The following NSMCE2 variants were observed in gnomAD, a reference collection of about 807,000 sequenced individuals.
NSMCE2 encodes the protein NSE2 SUMO ligase component of SMC5/6 complex, also known as E3 SUMO-protein ligase NSE2.
NSMCE2 carries 24 observed loss-of-function variants against 23.8 expected under a neutral mutation model. The observed-to-expected ratio is 1.01, with a 90% CI of 0.73 to 1.42. The LOEUF (loss-of-function observed/expected upper bound fraction) is 1.42. Ranked by LOEUF, NSMCE2 falls within the 40% of genes most tolerant of loss-of-function variation. The probability of loss-of-function intolerance (pLI) is 0.00; values close to 1 mark genes in which losing one functional copy is unlikely to be tolerated. For synonymous variants in NSMCE2, 92 were observed against 94.1 expected, an observed-to-expected ratio of 0.98 and a Z score of 0.13; for missense variants, 284 against 296.5, an observed-to-expected ratio of 0.96 and a Z score of 0.31.
intron 5 of NSMCE2, among the ~76,000 whole-genome samples, chr8:125,221,187 A>G (rs1209183884): frequency 1.3e-5 from 2 of 152,204 alleles, no homozygotes; most frequent in African/African-American, 2.4e-5. Flanking sequence ...ACTAAAGGGG[A>G]TAGTCTAAAT....
chr8:125,351,123 G>A (rs1357655514), intron 5 of NSMCE2, among the ~76,000 whole-genome samples: 2 of 152,198 alleles, frequency 1.3e-5, no homozygotes, highest in Admixed American at 6.5e-5. Context: ...GAGCAACTCG[G>A]TGGATGCTGA....
At chr8:125,293,319 T>C (rs1360230107) in intron 5 of NSMCE2, among the ~76,000 whole-genome samples, 1 of 152,168 alleles carries the variant, frequency 6.6e-6, no homozygotes, top group African/African-American at 2.4e-5. Context: ...AAGAGGGTGG[T>C]TCTTATTGTT....
At chr8:125,105,053 G>A (rs981489103) in intron 3 of NSMCE2, among the ~76,000 whole-genome samples, 4 of 152,136 alleles carry the variant, frequency 2.6e-5, no homozygotes, top group Non-Finnish European at 5.9e-5. Context: ...CCTCCCTTGC[G>A]CAGGGAGGAG....
At chr8:125,364,044 A>G (rs2129673238) in intron 7 of NSMCE2, among the ~76,000 whole-genome samples, 1 of 152,190 alleles carries the variant, frequency 6.6e-6, no homozygotes, top group South Asian at 2.1e-4. Context: ...CCTGGATTCA[A>G]GTGATTTTCC....
chr8:125,234,105 A>G (rs570367077), intron 5 of NSMCE2, among the ~76,000 whole-genome samples: 210 of 151,980 alleles, frequency 1.4e-3, no homozygotes, highest in African/African-American at 4.8e-3. Context: ...AAGCAGGAGA[A>G]TGGCGTGAAC....
intron 5 of NSMCE2, among the ~76,000 whole-genome samples, chr8:125,220,304 G>A (rs550732782): frequency 1.4e-4 from 22 of 152,160 alleles, no homozygotes; most frequent in Non-Finnish European, 2.2e-4. Flanking sequence ...TTGCCTAACA[G>A]TATAATTTCA....
chr8:125,249,816 T>C (rs559363674), intron 5 of NSMCE2, among the ~76,000 whole-genome samples: 274 of 152,276 alleles, frequency 1.8e-3, no homozygotes, highest in African/African-American at 5.7e-3. Flanking sequence ...ATGATGGTGA[T>C]CATTATTATT....
chr8:125,109,960 G>T (rs564853652), intron 3 of NSMCE2, among the ~76,000 whole-genome samples: 1 of 152,042 alleles, frequency 6.6e-6, no homozygotes, highest in African/African-American at 2.4e-5. Context: ...TCAGGTTTTT[G>T]AGTTTATTAT....
intron 1 of NSMCE2, among the ~76,000 whole-genome samples, chr8:125,100,538 C>T (rs1196647289): frequency 1.3e-5 from 2 of 152,000 alleles, no homozygotes; most frequent in Non-Finnish European, 2.9e-5. Context: ...AGTGGTGAGC[C>T]CCTGGGAGTA....
intron 4 of NSMCE2, among the ~76,000 whole-genome samples, chr8:125,158,884 A>T (rs1339868037): frequency 6.6e-6 from 1 of 152,220 alleles, no homozygotes; most frequent in East Asian, 1.9e-4. Flanking sequence ...TTCAGTGTAA[A>T]ATGAATGCAT....
At chr8:125,127,591 C>T (rs977502546) in intron 3 of NSMCE2, among the ~76,000 whole-genome samples, 5 of 152,154 alleles carry the variant, frequency 3.3e-5, no homozygotes, top group African/African-American at 9.7e-5. Context: ...TCCCTCTCTT[C>T]TTCTGGAATG....
intron 5 of NSMCE2, among the ~76,000 whole-genome samples, chr8:125,226,008 C>T (rs778272384): frequency 1.2e-4 from 18 of 152,282 alleles, no homozygotes; most frequent in Non-Finnish European, 2.2e-4. Context: ...TTAGCACCTG[C>T]GTATATAACA....
intron 5 of NSMCE2, among the ~76,000 whole-genome samples, chr8:125,334,667 G>A (rs184852846): frequency 5.9e-5 from 9 of 151,938 alleles, no homozygotes; most frequent in Admixed American, 2.6e-4. Context: ...TAGTTTCAAG[G>A]ATGTCTTGAA....
intron 5 of NSMCE2, among the ~76,000 whole-genome samples, chr8:125,296,839 G>A (rs150935279): frequency 5.9e-4 from 90 of 152,238 alleles, no homozygotes; most frequent in South Asian, 2.3e-3. Context: ...GTGTACTTTC[G>A]TGGAATAAAA....
At chr8:125,095,882 C>CAAAAA (rs1174381155) in intron 1 of NSMCE2, among the ~76,000 whole-genome samples, 165 of 63,924 alleles carry the variant, frequency 2.6e-3, no homozygotes, top group Middle Eastern at 0.017. Flanking sequence ...AACTCCATCT[C>CAAAAA]AAAAAAAAAA....
chr8:125,278,690 TTTTC>T (rs1422507537), intron 5 of NSMCE2, among the ~76,000 whole-genome samples: 4 of 152,158 alleles, frequency 2.6e-5, no homozygotes, highest in South Asian at 2.1e-4. Context: ...GGGTCTTCTT[TTTTC>T]TTTCTTTTTG....
intron 5 of NSMCE2, among the ~76,000 whole-genome samples, chr8:125,199,857 C>T (rs973390548): frequency 6.6e-5 from 10 of 152,216 alleles, no homozygotes; most frequent in South Asian, 2.1e-4. Context: ...AATCTGGGTG[C>T]GCCTGTGTTG....
chr8:125,294,849 A>G (rs1284416209), intron 5 of NSMCE2, among the ~76,000 whole-genome samples: 2 of 152,236 alleles, frequency 1.3e-5, no homozygotes, highest in Non-Finnish European at 2.9e-5. Context: ...TTTACTGGAT[A>G]ATCCAGACAG....
chr8:125,117,074 G>A (rs1350294217), intron 3 of NSMCE2, among the ~76,000 whole-genome samples: 1 of 151,838 alleles, frequency 6.6e-6, no homozygotes, highest in Non-Finnish European at 1.5e-5. Flanking sequence ...CAATTTAGCA[G>A]AGCTTCATCA....
Sources: gnomAD v4.1 joint callset for allele counts (sites outside exome capture counted in the v4.1 genomes callset) on GRCh38, gnomAD v4.1.1 for gene constraint, MANE v1.5 for transcripts, NCBI Gene and HGNC (gene_info 2026-07-23, HGNC 2026-07-21) for gene names.